Variants in NTM observed in about 807,000 individuals in gnomAD.
NTM encodes the protein IgLON family member 2.
NTM carries 13 observed loss-of-function variants against 42.1 expected under a neutral mutation model. The observed-to-expected ratio is 0.31, with a 90% CI of 0.20 to 0.49. The LOEUF is 0.49. NTM is among the 20% of genes least tolerant of loss of function. The pLI is 0.99. For synonymous variants in NTM, 187 were observed against 179.2 expected, an observed-to-expected ratio of 1.04 and a Z score of -0.35; for missense variants, 373 against 452.8, an observed-to-expected ratio of 0.82 and a Z score of 1.60.
chr11:131,947,458 C>CT (rs2060470602), intron 2 of NTM, among the ~76,000 whole-genome samples: 2 of 152,148 alleles, frequency 1.3e-5, no homozygotes, highest in Non-Finnish European at 2.9e-5. Context: ...GTCTTCCTGT[C>CT]TTTATGAAAT....
chr11:132,197,418 T>C (rs1169672444), intron 3 of NTM, among the ~76,000 whole-genome samples: 2 of 152,186 alleles, frequency 1.3e-5, no homozygotes, highest in Non-Finnish European at 1.5e-5. Flanking sequence ...GAGTACTATG[T>C]AAATAATCTA....
chr11:131,844,293 G>C (rs931443097), intron 1 of NTM, among the ~76,000 whole-genome samples: 1 of 152,034 alleles, frequency 6.6e-6, no homozygotes, highest in African/African-American at 2.4e-5. Context: ...GTTTCCATTT[G>C]GTGTGGTTCT....
At chr11:132,320,511 G>A (rs2095537696) in intron 7 of NTM, among the ~76,000 whole-genome samples, 1 of 152,220 alleles carries the variant, frequency 6.6e-6, no homozygotes, top group Non-Finnish European at 1.5e-5. Flanking sequence ...TCCCCCAGCT[G>A]GCTCGGAGGG....
At chr11:132,141,123 A>G (rs994689807) in intron 2 of NTM, 1 of 151,940 alleles carries the variant, frequency 6.6e-6, no homozygotes, top group Non-Finnish European at 1.5e-5. Context: ...TCAATAATCT[A>G]TCTCCTTATT....
chr11:131,710,171 C>A (rs2076977248), intron 1 of NTM, among the ~76,000 whole-genome samples: 1 of 152,178 alleles, frequency 6.6e-6, no homozygotes, highest in Non-Finnish European at 1.5e-5. Flanking sequence ...ATACCAGATT[C>A]TTTCACCAAC....
chr11:131,435,447 G>T (rs1949045147), intron 1 of NTM, among the ~76,000 whole-genome samples: 1 of 152,102 alleles, frequency 6.6e-6, no homozygotes, highest in Non-Finnish European at 1.5e-5. Context: ...CCATTTGTTT[G>T]TGCCCTCTTT....
rs1167133294 is a variant in NTM, at chr11:132,297,418, T to C, written c.527-10271T>C. ...GGGAAAGCCTGGCTTCCCTCCTCCT[T>C]CTATGTGCAAGAAGCCTCTAGTTCA... On this transcript the variant is annotated intron_variant, in intron 4 of 8. Coordinates refer to ENST00000683400, the MANE Select transcript of NTM (RefSeq NM_001352005.2). Among the ~76,000 whole-genome samples the C allele has an allele frequency of 2.6e-5, 4 of 152,118 alleles. 1 individual carries two copies. The South Asian group carries it at 6.2e-4, about 24-fold the overall frequency.
intron 1 of NTM, among the ~76,000 whole-genome samples, chr11:131,495,759 C>CTT (rs1181865475): frequency 6.6e-6 from 1 of 152,208 alleles, no homozygotes; most frequent in Non-Finnish European, 1.5e-5. Context: ...TTGGGCCCTC[C>CTT]TTGAGGCTCA....
chr11:132,083,550 T>A (rs1233570763), intron 2 of NTM, among the ~76,000 whole-genome samples: 2 of 152,156 alleles, frequency 1.3e-5, no homozygotes, highest in African/African-American at 4.8e-5. Flanking sequence ...GTCACAAGAA[T>A]ATGGAGTTCC....
At chr11:131,796,533 C>T (rs1193374776) in intron 1 of NTM, among the ~76,000 whole-genome samples, 3 of 152,206 alleles carry the variant, frequency 2.0e-5, no homozygotes, top group Non-Finnish European at 2.9e-5. Context: ...TGCCTGTCCC[C>T]TTTTCTGCCT....
intron 1 of NTM, among the ~76,000 whole-genome samples, chr11:131,848,551 G>A (rs181560423): frequency 1.8e-4 from 27 of 152,300 alleles, no homozygotes; most frequent in Middle Eastern, 3.4e-3. Flanking sequence ...ATGCTTTATA[G>A]CAGCCTCCAC....
At chr11:132,086,653 C>T (rs1299196646) in intron 2 of NTM, among the ~76,000 whole-genome samples, 1 of 152,200 alleles carries the variant, frequency 6.6e-6, no homozygotes, top group African/African-American at 2.4e-5. Flanking sequence ...CAGCTTAAGC[C>T]CAGTCTCGTA....
intron 1 of NTM, chr11:131,796,335 G>A (rs1044064418): frequency 5.4e-5 from 11 of 202,164 alleles, no homozygotes; most frequent in South Asian, 1.7e-4. Context: ...AGGGTCACGC[G>A]GAGCTGGGAG....
chr11:131,697,366 G>T (rs993727804), intron 1 of NTM, among the ~76,000 whole-genome samples: 15 of 152,214 alleles, frequency 9.9e-5, no homozygotes, highest in African/African-American at 3.6e-4. Context: ...TTCATCCAGA[G>T]TACTGTCTGA....
In NTM at chr11:132,002,474, A is replaced by G. The variant is rs758622383; in HGVS notation, c.167+90826A>G. 2.6e-5 allele frequency among the ~76,000 whole-genome samples: 4 copies of G among 152,206 alleles called. No individual in the cohort carries two copies. Among genetic ancestry groups the G allele is most frequent in the Admixed American group, 1.3e-4 (2 of 15,286 alleles). On this transcript the variant is annotated intron_variant, in intron 2 of 8. Coordinates refer to ENST00000683400, the MANE Select transcript of NTM (RefSeq NM_001352005.2). This position sits in a 1 kb window ranked among gnomAD's most constrained non-coding sequence, Gnocchi z 4.5. ...GTGTCAGTGATCAACAATTAACCCT[A>G]CGTCTCAATTCATCATAAGCAAATA...
intron 1 of NTM, among the ~76,000 whole-genome samples, chr11:131,517,228 A>G (rs1185427236): frequency 6.6e-6 from 1 of 152,164 alleles, no homozygotes; most frequent in East Asian, 1.9e-4. Context: ...TTGTGTCTAC[A>G]CCCAAGACAT....
intron 4 of NTM, among the ~76,000 whole-genome samples, chr11:132,239,791 T>C (rs1046419032): frequency 1.3e-5 from 2 of 152,230 alleles, no homozygotes; most frequent in Non-Finnish European, 2.9e-5. Context: ...AAGAGTAGCA[T>C]AACAATAATA....
chr11:131,622,667 TAA>T (rs2062696830), intron 1 of NTM, among the ~76,000 whole-genome samples: 1 of 152,154 alleles, frequency 6.6e-6, no homozygotes, highest in African/African-American at 2.4e-5. Flanking sequence ...AAAAACGGCG[TAA>T]ATCTGCTTCA....
intron 3 of NTM, among the ~76,000 whole-genome samples, chr11:132,169,675 T>C (rs986317576): frequency 2.6e-5 from 4 of 152,200 alleles, no homozygotes; most frequent in East Asian, 3.9e-4. Flanking sequence ...GGCAGTATCA[T>C]TGACTGAGGC....
Sources: allele counts gnomAD v4.1 joint callset (sites outside exome capture counted in the v4.1 genomes callset), GRCh38; gene constraint gnomAD v4.1.1; non-coding constraint Gnocchi (gnomAD v3.1); transcripts MANE v1.5; gene names NCBI Gene and HGNC (gene_info 2026-07-23, HGNC 2026-07-21).